Variants in DUSP16 observed in about 807,000 individuals in gnomAD.
DUSP16 encodes the protein dual specificity phosphatase 16, also known as dual specificity protein phosphatase 16.
A neutral mutation model predicts 58.3 loss-of-function variants in DUSP16; 21 were observed. That is an observed-to-expected ratio of 0.36 (90% CI 0.26 to 0.52). DUSP16 has a LOEUF of 0.52. DUSP16 is among the 20% of genes least tolerant of loss of function. The probability of loss-of-function intolerance (pLI) is 0.94; values close to 1 mark genes in which losing one functional copy is unlikely to be tolerated. For synonymous variants in DUSP16, 320 were observed against 323.8 expected, an observed-to-expected ratio of 0.99 and a Z score of 0.12; for missense variants, 726 against 819.0, an observed-to-expected ratio of 0.89 and a Z score of 1.39.
chr12:12,505,235 A>G (rs1015423428), intron 3 of DUSP16, among the ~76,000 whole-genome samples: 9 of 152,330 alleles, frequency 5.9e-5, no homozygotes, highest in African/African-American at 1.9e-4. Flanking sequence ...AATTACTTTC[A>G]ACTCTCCCTT....
Position 12,473,546 on chromosome 12 carries a change from A to T in DUSP16, c.*3287T>A, listed in dbSNP as rs1016210153. ...CCTCTTTTTCTGCAGGGTCCTGGCC[A>T]AGATAGCTCTTCTAGTCTAGCTCAC... is the stretch of plus-strand genomic sequence containing the variant. On this transcript the variant is annotated 3_prime_UTR_variant, in exon 7 of 7. Coordinates refer to ENST00000298573, the MANE Select transcript of DUSP16 (RefSeq NM_030640.3). 2.0e-5 allele frequency among the ~76,000 whole-genome samples: 3 copies of T among 152,174 alleles called. No homozygotes were observed. Among genetic ancestry groups the T allele is most frequent in the Non-Finnish European group, 2.9e-5 (2 of 68,032 alleles).
intron 1 of DUSP16, among the ~76,000 whole-genome samples, chr12:12,541,115 C>A (rs751678060): frequency 6.6e-6 from 1 of 151,872 alleles, no homozygotes; most frequent in Non-Finnish European, 1.5e-5. Flanking sequence ...CACACCATCA[C>A]GCCTGGCTAA....
At chr12:12,503,560 G>A (rs1394599309) in intron 3 of DUSP16, among the ~76,000 whole-genome samples, 1 of 152,042 alleles carries the variant, frequency 6.6e-6, no homozygotes, top group Non-Finnish European at 1.5e-5. Context: ...TTGAGCTGCG[G>A]CTGTTTAGCT....
intron 1 of DUSP16, among the ~76,000 whole-genome samples, chr12:12,534,117 C>G (rs886942527): frequency 1.3e-5 from 2 of 152,178 alleles, no homozygotes; most frequent in Non-Finnish European, 2.9e-5. Flanking sequence ...CTCTTCCAAT[C>G]CCACAGTATG....
rs1341091471 is a variant in DUSP16, at chr12:12,474,881, G to A, written c.*1952C>T. The A allele has an allele frequency of 6.6e-6, 1 of 152,216 alleles. No individual in the cohort carries two copies. Among genetic ancestry groups the A allele is most frequent in the African/African-American group, 2.4e-5 (1 of 41,446 alleles). The allele number at this position is 152,216 out of a possible 1,614,324, so 9.4% of individuals were successfully genotyped here. A position where few individuals can be genotyped will look rare whatever the true frequency, so the allele number is the denominator to read the frequency against. ...TACTGTGTGAAACTTGAGAATGTCT[G>A]ATTAAAGATTTCAATGTATATCTAA... On this transcript the variant is annotated 3_prime_UTR_variant, in exon 7 of 7. Coordinates refer to ENST00000298573, the MANE Select transcript of DUSP16 (RefSeq NM_030640.3).
intron 1 of DUSP16, among the ~76,000 whole-genome samples, chr12:12,559,760 G>T (rs4237940): frequency 6.6e-6 from 1 of 152,060 alleles, no homozygotes; most frequent in African/African-American, 2.4e-5. Context: ...CCAGTCCAGG[G>T]ATTTACAGAA....
chr12:12,521,443 G>C lies in DUSP16; in HGVS notation c.-345C>G, dbSNP rs1341611899. On this transcript the variant is annotated 5_prime_UTR_variant, in exon 2 of 7. Transcript: ENST00000298573. ...TTACCTTTGCTCCCGCGCTCCAACA[G>C]CTTTACACTGGACTGAAAGCCTACG... 16 of 1,138,230 alleles carry C rather than the reference G, an allele frequency of 1.4e-5. No individual in the cohort carries two copies. The highest frequency in any genetic ancestry group is 1.6e-5 in the Non-Finnish European group (15 of 921,724). The allele number at this position is 1,138,230 out of a possible 1,614,324, so 70.5% of individuals were successfully genotyped here. A position where few individuals can be genotyped will look rare whatever the true frequency, so the allele number is the denominator to read the frequency against.
chr12:12,493,787 A>T (rs1482443349), intron 4 of DUSP16, among the ~76,000 whole-genome samples: 1 of 152,104 alleles, frequency 6.6e-6, no homozygotes, highest in South Asian at 2.1e-4. Context: ...GGCCACTTTG[A>T]TCACCCATTT....
chr12:12,514,715 C>A (rs564223688), intron 3 of DUSP16, among the ~76,000 whole-genome samples: 60 of 152,258 alleles, frequency 3.9e-4, no homozygotes, highest in African/African-American at 1.4e-3. Flanking sequence ...GTCGCCCAGG[C>A]TGGAGTTCAG....
chr12:12,514,851 G>GTC (rs1410143771), intron 3 of DUSP16, among the ~76,000 whole-genome samples: 3 of 152,086 alleles, frequency 2.0e-5, no homozygotes, highest in Non-Finnish European at 4.4e-5. Context: ...TACAGACGAG[G>GTC]TCTCTCTCTG....
chr12:12,493,092 A>G (rs751577383), intron 4 of DUSP16, among the ~76,000 whole-genome samples: 5 of 151,860 alleles, frequency 3.3e-5, no homozygotes, highest in Non-Finnish European at 7.4e-5. Flanking sequence ...TCCCACCTTT[A>G]TACCTCCTCC....
intron 4 of DUSP16, among the ~76,000 whole-genome samples, chr12:12,495,119 A>G (rs1475316186): frequency 6.6e-6 from 1 of 152,122 alleles, no homozygotes. Flanking sequence ...TGAGGATAAT[A>G]AAGTGCCTGA....
chr12:12,558,251 C>G (rs1282612519), intron 1 of DUSP16, among the ~76,000 whole-genome samples: 1 of 152,228 alleles, frequency 6.6e-6, no homozygotes, highest in Non-Finnish European at 1.5e-5. Flanking sequence ...GTATCCCTCC[C>G]TTTCAAATAA....
chr12:12,475,293 G>C lies in DUSP16; in HGVS notation c.*1540C>G, dbSNP rs1943407384. 6.6e-6 allele frequency: 1 copy of C among 151,656 alleles called. No individual in the cohort carries two copies. The highest frequency in any genetic ancestry group is 1.5e-5 in the Non-Finnish European group (1 of 67,958). 9.4% of individuals were successfully genotyped at this position (151,656 alleles called of 1,614,324 possible). A position where few individuals can be genotyped will look rare whatever the true frequency, so the allele number is the denominator to read the frequency against. ...TCAAAAGAGGACCCACATTGTAGCT[G>C]ATAAAACTCAAGCCAGGAGGATGTT... is the stretch of plus-strand genomic sequence containing the variant. On this transcript the variant is annotated 3_prime_UTR_variant, in exon 7 of 7. Transcript: ENST00000298573.
intron 1 of DUSP16, among the ~76,000 whole-genome samples, chr12:12,527,698 A>G (rs917167916): frequency 6.6e-6 from 1 of 152,190 alleles, no homozygotes; most frequent in Non-Finnish European, 1.5e-5. Context: ...ATGTCTGATC[A>G]TATTTCCTTA....
At chr12:12,480,376 T>C (rs1943541695) in intron 5 of DUSP16, 30 bp from the exon 6 acceptor site, 1 of 1,602,316 alleles carries the variant, frequency 6.2e-7, no homozygotes, top group Non-Finnish European at 8.5e-7. Context: ...GAAAGGTCAC[T>C]ACTAACTATT....
rs199956429 is a variant in DUSP16, at chr12:12,487,107, A to C, written c.612T>G (p.Ser204=). The C allele has an allele frequency of 2.5e-6, 4 of 1,614,200 alleles. No homozygotes were observed. In the African/African-American group the frequency reaches 4.0e-5, roughly 16 times the overall value. The change falls in exon 5 of 7, where the codon TCT becomes TCG. Residue 204 remains serine (S), a synonymous_variant. Coordinates refer to ENST00000298573, the MANE Select transcript of DUSP16 (RefSeq NM_030640.3). Reference sequence around the variant, plus strand: ...CATTCACAGGCACACGCAGGAAATGAGACTCGGGGATAAAGTCAGGCTTTG... The same window carrying C: ...CATTCACAGGCACACGCAGGAAATGCGACTCGGGGATAAAGTCAGGCTTTG... ...TCPKPDFIPE[S]HFLRVPVNDS... is the part of the protein sequence containing the mutation.
intron 1 of DUSP16, among the ~76,000 whole-genome samples, chr12:12,533,162 A>C (rs77930326): frequency 0.015 from 2,247 of 152,334 alleles, 61 homozygotes; most frequent in African/African-American, 0.051. Context: ...TATGACTCTT[A>C]TAATACAAAA....
chr12:12,499,270 G>T (rs1299508877), intron 4 of DUSP16, among the ~76,000 whole-genome samples: 1 of 152,156 alleles, frequency 6.6e-6, no homozygotes, highest in African/African-American at 2.4e-5. Context: ...GAATGCATGG[G>T]ACTTTAAGAA....
Sources: gnomAD v4.1 joint callset for allele counts (sites outside exome capture counted in the v4.1 genomes callset) on GRCh38, gnomAD v4.1.1 for gene constraint, MANE v1.5 for transcripts, NCBI Gene and HGNC (gene_info 2026-07-23, HGNC 2026-07-21) for gene names.